The following CDH13 variants were observed in gnomAD, a reference collection of about 807,000 sequenced individuals.
The protein encoded by CDH13 is cadherin-13.
A neutral mutation model predicts 63.8 loss-of-function variants in CDH13; 24 were observed. That is an observed-to-expected ratio of 0.38 (90% CI 0.27 to 0.53). The LOEUF is 0.53. Among genes scored for constraint, CDH13 ranks in the 20% least tolerant of loss-of-function variants. The probability of loss-of-function intolerance (pLI) is 0.85; values close to 1 mark genes in which losing one functional copy is unlikely to be tolerated. For synonymous variants in CDH13, 503 were observed against 355.3 expected (o/e 1.42, Z -4.67); for missense variants, 1,049 against 903.1 (o/e 1.16, Z -2.07).
chr16:83,287,168 G>A (rs1205424159), intron 5 of CDH13, among the ~76,000 whole-genome samples: 2 of 152,208 alleles, frequency 1.3e-5, no homozygotes, highest in African/African-American at 4.8e-5. Flanking sequence ...CCAACGTAGA[G>A]AAAGGCCCAG....
chr16:82,847,024 C>T (rs1007312072), intron 1 of CDH13, among the ~76,000 whole-genome samples: 2 of 152,206 alleles, frequency 1.3e-5, no homozygotes, highest in Admixed American at 6.5e-5. Context: ...AAGCCATGAC[C>T]TTCCCTTATT....
chr16:83,021,206 T>C (rs141594440), intron 2 of CDH13, among the ~76,000 whole-genome samples: 6 of 152,350 alleles, frequency 3.9e-5, no homozygotes, highest in African/African-American at 1.4e-4. Context: ...TTCTCAGTTG[T>C]GTTTGGGGAG....
intron 2 of CDH13, among the ~76,000 whole-genome samples, chr16:83,025,257 G>T (rs1448826888): frequency 6.6e-6 from 1 of 152,138 alleles, no homozygotes; most frequent in African/African-American, 2.4e-5. Flanking sequence ...TAAAGATGTC[G>T]AGGATTAAAG....
At chr16:83,180,429 A>C (rs1394396765) in intron 4 of CDH13, among the ~76,000 whole-genome samples, 2 of 152,196 alleles carry the variant, frequency 1.3e-5, no homozygotes, top group South Asian at 4.1e-4. Context: ...ATGTTTTTAC[A>C]AAAATAGTGC....
chr16:83,198,194 G>A (rs1268343818), intron 4 of CDH13, among the ~76,000 whole-genome samples: 3 of 151,678 alleles, frequency 2.0e-5, no homozygotes, highest in African/African-American at 7.3e-5. Flanking sequence ...AGCAAACCTG[G>A]TTTTAAAAAA....
Position 83,082,848 on chromosome 16 carries a change from C to T in CDH13, c.367-42537C>T, listed in dbSNP as rs138101567. 6.3e-4 allele frequency among the ~76,000 whole-genome samples: 96 copies of T among 152,286 alleles called. 2 individuals carry two copies. In the East Asian group the frequency reaches 0.014, roughly 23 times the overall value. On this transcript the variant is annotated intron_variant, in intron 3 of 13. Coordinates refer to ENST00000567109, the MANE Select transcript of CDH13 (RefSeq NM_001257.5). Reference sequence around the variant, plus strand: ...AGTCAATATTAATTAGCAAAGCATTCGGTGCTGCTGTTTTAACAGCAACAG... The same window carrying T: ...AGTCAATATTAATTAGCAAAGCATTTGGTGCTGCTGTTTTAACAGCAACAG...
chr16:83,227,501 G>C (rs1239273883), intron 5 of CDH13, among the ~76,000 whole-genome samples: 1 of 152,152 alleles, frequency 6.6e-6, no homozygotes, highest in Non-Finnish European at 1.5e-5. Flanking sequence ...GGGAATAAAG[G>C]CAAATGTGTC....
At position 82,944,339 on chromosome 16, in the gene CDH13, C is replaced by T. The variant is rs187831050; in HGVS notation, c.157+85866C>T. On this transcript the variant is annotated intron_variant, in intron 2 of 13. Coordinates refer to ENST00000567109, the MANE Select transcript of CDH13 (RefSeq NM_001257.5). ...ATGGATTACTACTCAACGTGTTTAC[C>T]GATACTGTGTGTCTGTAGTGGGCTT... is the stretch of plus-strand genomic sequence containing the variant. Among the ~76,000 whole-genome samples, 327 of 152,204 alleles carry T rather than the reference C, an allele frequency of 2.1e-3. 1 individual carries two copies. The highest frequency in any genetic ancestry group is 0.017 in the Middle Eastern group (5 of 294).
At chr16:83,648,953 A>G (rs1489972292) in intron 8 of CDH13, among the ~76,000 whole-genome samples, 1 of 152,108 alleles carries the variant, frequency 6.6e-6, no homozygotes, top group Non-Finnish European at 1.5e-5. Context: ...CGCAACACAC[A>G]TACACCACCT....
intron 7 of CDH13, among the ~76,000 whole-genome samples, chr16:83,545,237 C>T (rs1463542696): frequency 6.6e-6 from 1 of 152,142 alleles, no homozygotes; most frequent in African/African-American, 2.4e-5. Context: ...CACCATCTGA[C>T]ATACCCAGTG....
intron 13 of CDH13, among the ~76,000 whole-genome samples, chr16:83,789,498 C>G (rs1916116351): frequency 6.6e-6 from 1 of 152,086 alleles, no homozygotes; most frequent in Admixed American, 6.6e-5. Context: ...AGGCACCTGC[C>G]ACCACGCCCA....
rs1567591288 is a variant in CDH13, at chr16:83,323,222, C to CTTTCTTTCTTTT, written c.637-21629_637-21628insTTTTCTTTCTTT. On this transcript the variant is annotated intron_variant, in intron 5 of 13. Coordinates refer to ENST00000567109, the MANE Select transcript of CDH13 (RefSeq NM_001257.5). The stretch of plus-strand genomic sequence containing the variant: ...TCTTTCTTTCTTTCTTTCTTTCTTT[C>CTTTCTTTCTTTT]TTTCTTTCTTTCTTTCTTTCCTTCC... 8.4e-5 allele frequency among the ~76,000 whole-genome samples: 12 copies of CTTTCTTTCTTTT among 142,514 alleles called. 1 individual carries two copies. The highest frequency in any genetic ancestry group is 3.1e-4 in the African/African-American group (12 of 38,096). 93.5% of individuals were successfully genotyped at this position (142,514 alleles called of 152,430 possible).
chr16:83,245,175 T>C (rs899249449), intron 5 of CDH13, among the ~76,000 whole-genome samples: 23 of 152,192 alleles, frequency 1.5e-4, no homozygotes, highest in African/African-American at 5.5e-4. Context: ...CAACCAATTT[T>C]AAGCTGCTTT....
chr16:82,747,214 A>G (rs1431896545), intron 1 of CDH13, among the ~76,000 whole-genome samples: 5 of 152,206 alleles, frequency 3.3e-5, no homozygotes, highest in Non-Finnish European at 7.3e-5. Flanking sequence ...TGGTCCGTAG[A>G]TCAGTAGAAT....
chr16:83,377,761 A>G (rs2091484917), intron 6 of CDH13, among the ~76,000 whole-genome samples: 1 of 152,184 alleles, frequency 6.6e-6, no homozygotes, highest in African/African-American at 2.4e-5. Context: ...GGGAGTCAAT[A>G]GAATAGATCA....
At chr16:83,480,884 C>G (rs1454199955) in intron 6 of CDH13, among the ~76,000 whole-genome samples, 4 of 152,198 alleles carry the variant, frequency 2.6e-5, no homozygotes, top group Non-Finnish European at 5.9e-5. Flanking sequence ...ATCTGTCTCA[C>G]CTGGCTAAGC....
intron 10 of CDH13, among the ~76,000 whole-genome samples, chr16:83,742,194 G>A (rs1912129551): frequency 6.6e-6 from 1 of 152,206 alleles, no homozygotes; most frequent in Non-Finnish European, 1.5e-5. Context: ...CTGGCCACTT[G>A]CCTGGAAGCT....
intron 11 of CDH13, among the ~76,000 whole-genome samples, chr16:83,774,119 C>A (rs62047502): frequency 0.19 from 28,598 of 152,186 alleles, 3,269 homozygotes; most frequent in Non-Finnish European, 0.26. Flanking sequence ...AGCTATTCGT[C>A]CTACAGAAAT....
chr16:82,876,695 A>G (rs565095148), intron 2 of CDH13, among the ~76,000 whole-genome samples: 1 of 152,334 alleles, frequency 6.6e-6, no homozygotes, highest in East Asian at 1.9e-4. Flanking sequence ...GTCTTTATTC[A>G]AATTCCTGGT....
Sources: allele counts gnomAD v4.1 joint callset (sites outside exome capture counted in the v4.1 genomes callset), GRCh38; gene constraint gnomAD v4.1.1; transcripts MANE v1.5; gene names NCBI Gene and HGNC (gene_info 2026-07-23, HGNC 2026-07-21).